Variants in DNER observed in about 807,000 individuals in gnomAD.
DNER encodes the protein delta/notch like EGF repeat containing, also known as delta and Notch-like epidermal growth factor-related receptor.
Under a neutral mutation model 78.2 loss-of-function variants are expected in DNER, and 33 were observed. That is an observed-to-expected ratio of 0.42 (90% confidence interval 0.32 to 0.56). DNER has a LOEUF of 0.56. Ranked by LOEUF, DNER falls within the 20% of genes least tolerant of loss-of-function variation. DNER has a pLI of 0.11. For synonymous variants in DNER, 417 were observed against 384.8 expected, an observed-to-expected ratio of 1.08 and a Z score of -0.98; for missense variants, 918 against 975.3, an observed-to-expected ratio of 0.94 and a Z score of 0.78.
At chr2:229,638,042 T>C (rs1414431691) in intron 1 of DNER, among the ~76,000 whole-genome samples, 1 of 152,326 alleles carries the variant, frequency 6.6e-6, no homozygotes, top group East Asian at 1.9e-4. Context: ...CTAATGAGGA[T>C]TTTTCTTCCT....
intron 1 of DNER, among the ~76,000 whole-genome samples, chr2:229,698,972 A>AG (rs1346259916): frequency 6.6e-6 from 1 of 152,230 alleles, no homozygotes; most frequent in Non-Finnish European, 1.5e-5. Context: ...GCTGTTCTCA[A>AG]GGGGAAAGGA....
chr2:229,481,645 G>T (rs1695160824), intron 6 of DNER, among the ~76,000 whole-genome samples: 2 of 152,160 alleles, frequency 1.3e-5, no homozygotes, highest in African/African-American at 4.8e-5. Flanking sequence ...AAATTTAAAT[G>T]AAAAATACCA....
intron 1 of DNER, among the ~76,000 whole-genome samples, chr2:229,679,236 T>C (rs1475665935): frequency 6.6e-6 from 1 of 152,196 alleles, no homozygotes; most frequent in Admixed American, 6.5e-5. Flanking sequence ...ATTACTATAG[T>C]ATTTAAAGAT....
chr2:229,658,050 C>G (rs1020029802), intron 1 of DNER, among the ~76,000 whole-genome samples: 5 of 152,142 alleles, frequency 3.3e-5, no homozygotes, highest in African/African-American at 1.2e-4. Context: ...CAGAATGCTG[C>G]TGAAGTCAAA....
At chr2:229,649,204 C>T (rs1698770617) in intron 1 of DNER, among the ~76,000 whole-genome samples, 1 of 152,232 alleles carries the variant, frequency 6.6e-6, no homozygotes, top group African/African-American at 2.4e-5. Context: ...CTATTGCAAT[C>T]AGAAAACTGC....
At chr2:229,506,376 C>T (rs772967005) in intron 6 of DNER, among the ~76,000 whole-genome samples, 3 of 152,108 alleles carry the variant, frequency 2.0e-5, no homozygotes, top group Admixed American at 1.3e-4. Context: ...TTATCTCCAC[C>T]TCATCCCACC....
chr2:229,440,427 T>C (rs1237567686), intron 8 of DNER, among the ~76,000 whole-genome samples: 1 of 152,130 alleles, frequency 6.6e-6, no homozygotes, highest in Non-Finnish European at 1.5e-5. Context: ...GCCCTCACCC[T>C]GCAACCTCCC....
At chr2:229,522,647 T>G (rs990511489) in intron 5 of DNER, among the ~76,000 whole-genome samples, 3 of 152,182 alleles carry the variant, frequency 2.0e-5, no homozygotes, top group Non-Finnish European at 2.9e-5. Context: ...AAATGAAAAT[T>G]GTTATGTATA....
At chr2:229,461,598 T>C (rs533267839) in intron 7 of DNER, among the ~76,000 whole-genome samples, 41 of 152,110 alleles carry the variant, frequency 2.7e-4, no homozygotes, top group African/African-American at 9.9e-4. Flanking sequence ...TGATGTCATA[T>C]AAATAATAAA....
rs566428355 is a variant in DNER at position 229,464,211 on chromosome 2, C to G, written c.1261+12929G>C. On this transcript the variant is annotated intron_variant, in intron 7 of 12. Coordinates refer to ENST00000341772, the MANE Select transcript of DNER (RefSeq NM_139072.4). Reference sequence around the variant, plus strand: ...TTTGTTCTGGTTCTAAGAAAGCAGACAGTTATGCAAGATAAAGAGAAAGGG... The same window carrying G: ...TTTGTTCTGGTTCTAAGAAAGCAGAGAGTTATGCAAGATAAAGAGAAAGGG... Among the ~76,000 whole-genome samples the G allele has an allele frequency of 1.1e-4, 16 of 152,230 alleles. No individual in the cohort carries two copies. In the South Asian group the frequency reaches 3.3e-3, roughly 32 times the overall value.
chr2:229,436,229 C>T (rs4973203), intron 8 of DNER, among the ~76,000 whole-genome samples: 61,016 of 152,042 alleles, frequency 0.4, 14,917 homozygotes, highest in Non-Finnish European at 0.55. Flanking sequence ...TATTAGTTTG[C>T]TTAGGATAAT....
intron 4 of DNER, among the ~76,000 whole-genome samples, chr2:229,578,134 C>T (rs199766716): frequency 2.6e-5 from 4 of 152,182 alleles, no homozygotes; most frequent in South Asian, 2.1e-4. Flanking sequence ...TGCATCTCCC[C>T]GTGGGCTTTT....
intron 8 of DNER, among the ~76,000 whole-genome samples, chr2:229,428,074 CAA>C (rs11358575): frequency 2.9e-3 from 271 of 93,124 alleles, no homozygotes; most frequent in African/African-American, 8.1e-3. Context: ...GATTCCATCT[CAA>C]AAAAAAAAAA....
chr2:229,479,083 G>C (rs1045465430), intron 6 of DNER, among the ~76,000 whole-genome samples: 3 of 152,122 alleles, frequency 2.0e-5, no homozygotes, highest in Non-Finnish European at 4.4e-5. Flanking sequence ...TTCTGTTCCT[G>C]TGTTAGTTTG....
At chr2:229,489,474 C>T (rs574883698) in intron 6 of DNER, among the ~76,000 whole-genome samples, 1 of 145,850 alleles carries the variant, frequency 6.9e-6, no homozygotes, top group Non-Finnish European at 1.5e-5. Flanking sequence ...AGAGAGAGGC[C>T]GGCAACATGA....
intron 4 of DNER, among the ~76,000 whole-genome samples, chr2:229,559,993 C>A (rs1057164987): frequency 2.0e-5 from 3 of 152,204 alleles, no homozygotes; most frequent in African/African-American, 7.2e-5. Flanking sequence ...TTGCCAAGCT[C>A]ACCTCCCTTG....
At chr2:229,410,341 G>A (rs1693483501) in intron 9 of DNER, among the ~76,000 whole-genome samples, 1 of 152,214 alleles carries the variant, frequency 6.6e-6, no homozygotes, top group African/African-American at 2.4e-5. Context: ...CTGTAGAGCA[G>A]AGGCCGTATC....
At chr2:229,409,012 G>C (rs1279931968) in intron 9 of DNER, among the ~76,000 whole-genome samples, 2 of 152,108 alleles carry the variant, frequency 1.3e-5, no homozygotes, top group East Asian at 3.8e-4. Context: ...TGTCTCCAGG[G>C]ACTTGAACGA....
At chr2:229,382,852 A>G (rs368712305) in intron 11 of DNER, among the ~76,000 whole-genome samples, 2 of 152,200 alleles carry the variant, frequency 1.3e-5, no homozygotes, top group South Asian at 2.1e-4. Context: ...TTAGGATATT[A>G]TCCGGGAGAA....
Sources: allele counts gnomAD v4.1 joint callset (sites outside exome capture counted in the v4.1 genomes callset), GRCh38; gene constraint gnomAD v4.1.1; transcripts MANE v1.5; gene names NCBI Gene and HGNC (gene_info 2026-07-23, HGNC 2026-07-21).